TRIM5: variants seen among roughly 807,000 people sequenced by gnomAD.
TRIM5 encodes the protein tripartite motif containing 5.
TRIM5 carries 31 observed loss-of-function variants against 35.6 expected under a neutral mutation model. The observed-to-expected ratio is 0.87, with a 90% CI of 0.65 to 1.18. The LOEUF is 1.18. Among genes scored for constraint, TRIM5 ranks in the 50% most tolerant of loss-of-function variants. The probability of loss-of-function intolerance (pLI) is 0.00; values close to 1 mark genes in which losing one functional copy is unlikely to be tolerated. For missense variants in TRIM5, 609 were observed against 591.6 expected, an observed-to-expected ratio of 1.03 and a Z score of -0.31; for synonymous variants, 243 against 215.6, an observed-to-expected ratio of 1.13 and a Z score of -1.11.
At chr11:5,682,266 G>A (rs1438626288) in intron 1 of TRIM5, among the ~76,000 whole-genome samples, 1 of 152,168 alleles carries the variant, frequency 6.6e-6, no homozygotes, top group African/African-American at 2.4e-5. Flanking sequence ...AGCTGAGCTT[G>A]GTGACAGGTG....
At chr11:5,605,545 G>T in the TRIM5 span, 1 of 1,613,528 alleles carries the variant, frequency 6.2e-7, no homozygotes, top group Non-Finnish European at 8.5e-7. Context: ...CGATGTCAGG[G>T]GTCAACAATG....
chr11:5,636,874 C>T, the TRIM5 span, among the ~76,000 whole-genome samples: 6 of 152,166 alleles, frequency 3.9e-5, no homozygotes, highest in South Asian at 2.1e-4. Flanking sequence ...TGGCGGGGCG[C>T]GGTGGCTCAC....
the TRIM5 span, among the ~76,000 whole-genome samples, chr11:5,615,968 T>C: frequency 6.7e-6 from 1 of 149,168 alleles, no homozygotes; most frequent in Admixed American, 6.7e-5. Context: ...AGTCTCGCTC[T>C]GTCTCCCAGG....
the TRIM5 span, among the ~76,000 whole-genome samples, chr11:5,637,339 A>G: frequency 6.6e-6 from 1 of 152,158 alleles, no homozygotes; most frequent in African/African-American, 2.4e-5. Context: ...ACTGATACTC[A>G]TTTCGTAAGA....
intron 4 of TRIM5, chr11:5,669,860 A>G: frequency 5.5e-6 from 1 of 182,416 alleles, no homozygotes; most frequent in South Asian, 7.1e-5. Flanking sequence ...CTATAATCCC[A>G]GCTACTCAGG....
the TRIM5 span, among the ~76,000 whole-genome samples, chr11:5,604,167 TGTGTGTGTGC>T: frequency 0.065 from 9,610 of 147,450 alleles, 332 homozygotes; most frequent in South Asian, 0.11. Context: ...GCTAATTGTG[TGTGTGTGTGC>T]GTGTGTGTGT....
intron 3 of TRIM5, among the ~76,000 whole-genome samples, chr11:5,678,839 G>T (rs1431542571): frequency 6.6e-6 from 1 of 152,154 alleles, no homozygotes. Flanking sequence ...AAAATAGAAT[G>T]CAGGATTCAC....
the TRIM5 span, among the ~76,000 whole-genome samples, chr11:5,645,108 C>T: frequency 0.092 from 14,031 of 152,104 alleles, 874 homozygotes; most frequent in Non-Finnish European, 0.14. Context: ...TGGCTCATGC[C>T]GGTAATCCCA....
intron 5 of TRIM5, among the ~76,000 whole-genome samples, chr11:5,667,290 T>C (rs925819196): frequency 6.6e-6 from 1 of 152,190 alleles, no homozygotes; most frequent in Non-Finnish European, 1.5e-5. Flanking sequence ...CACTGCAACC[T>C]CTGCCTCCTG....
chr11:5,646,288 G>C, the TRIM5 span, among the ~76,000 whole-genome samples: 7 of 152,124 alleles, frequency 4.6e-5, no homozygotes, highest in Non-Finnish European at 5.9e-5. Context: ...TATATGCAAA[G>C]GAGGCAGCAC....
chr11:5,609,131 A>G, the TRIM5 span, among the ~76,000 whole-genome samples: 6 of 152,090 alleles, frequency 3.9e-5, no homozygotes, highest in Non-Finnish European at 7.4e-5. Flanking sequence ...GGAATCAAAC[A>G]TGTTCTCTAT....
At chr11:5,656,446 C>T in the TRIM5 span, among the ~76,000 whole-genome samples, 21 of 151,878 alleles carry the variant, frequency 1.4e-4, no homozygotes, top group Admixed American at 2.0e-4. Context: ...CTCTGCCTCC[C>T]AGGTTCAAGC....
rs1852158404 is a variant in TRIM5 at position 5,678,365 on chromosome 11, C to T, written c.583G>A (p.Glu195Lys). ...AGGTTTTGCAGCTCATTGCTCTCCT[C>T]CCAGTCCAGGATGTCTCTCAGTTGC... is the stretch of plus-strand genomic sequence containing the variant. Reference protein sequence around the residue: ...FEQLRDILDWEESNELQNLEK... With the variant: ...FEQLRDILDWKESNELQNLEK... The change falls in exon 4 of 8, where the codon GAG becomes AAG. Residue 195 changes from glutamate to lysine, a missense_variant. Transcript: ENST00000380034. The T allele has an allele frequency of 6.2e-7, 1 of 1,612,274 alleles. No individual in the cohort carries two copies. Among genetic ancestry groups the T allele is most frequent in the Non-Finnish European group, 8.5e-7 (1 of 1,178,656 alleles).
chr11:5,632,715 C>T, the TRIM5 span: 1 of 1,611,320 alleles, frequency 6.2e-7, no homozygotes, highest in Non-Finnish European at 8.5e-7. Context: ...ACCGTGGTCA[C>T]CACACAGTCC....
intron 7 of TRIM5, 117 bp from the exon 8 acceptor site, chr11:5,665,512 AG>A: frequency 6.5e-7 from 1 of 1,550,340 alleles, no homozygotes; most frequent in Non-Finnish European, 8.7e-7. Context: ...AGAAGTTATA[AG>A]GAGGGGTAAG....
At chr11:5,658,155 A>G in the TRIM5 span, among the ~76,000 whole-genome samples, 4,257 of 152,272 alleles carry the variant, frequency 0.028, 207 homozygotes, top group African/African-American at 0.097. Context: ...TGCCTATAGC[A>G]GGAAGAGACA....
intron 1 of TRIM5, among the ~76,000 whole-genome samples, chr11:5,682,209 GC>G (rs1362240204): frequency 2.6e-5 from 4 of 152,176 alleles, no homozygotes; most frequent in Admixed American, 6.5e-5. Flanking sequence ...TTCAAGACCA[GC>G]CTGGCCAACA....
At chr11:5,682,183 C>G (rs908377553) in intron 1 of TRIM5, among the ~76,000 whole-genome samples, 8 of 152,158 alleles carry the variant, frequency 5.3e-5, no homozygotes, top group Non-Finnish European at 1.2e-4. Flanking sequence ...GCAGGCGGAT[C>G]ACCTGAGGCT....
intron 4 of TRIM5, among the ~76,000 whole-genome samples, chr11:5,675,692 T>C (rs1015701492): frequency 6.6e-6 from 1 of 151,754 alleles, no homozygotes; most frequent in African/African-American, 2.4e-5. Context: ...TGTTGTGTTT[T>C]TTTTGTTTTT....
Sources: allele counts gnomAD v4.1 joint callset (sites outside exome capture counted in the v4.1 genomes callset), GRCh38; gene constraint gnomAD v4.1.1; transcripts MANE v1.5; gene names NCBI Gene and HGNC (gene_info 2026-07-23, HGNC 2026-07-21).